Variants in HNRNPL observed in about 807,000 individuals in gnomAD.
HNRNPL encodes the protein heterogeneous nuclear ribonucleoprotein L.
A neutral mutation model predicts 64.0 loss-of-function variants in HNRNPL; 12 were observed. The observed-to-expected ratio is 0.19, with a 90% CI of 0.12 to 0.30. HNRNPL has a LOEUF of 0.30. HNRNPL is among the 10% of genes least tolerant of loss of function. The pLI is 1.00. For synonymous variants in HNRNPL, 385 were observed against 313.0 expected, an observed-to-expected ratio of 1.23 and a Z score of -2.43; for missense variants, 484 against 797.4, an observed-to-expected ratio of 0.61 and a Z score of 4.73.
At chr19:38,841,017 A>G (rs1972099577) in intron 6 of HNRNPL, 2 of 198,838 alleles carry the variant, frequency 1.0e-5, no homozygotes, top group Admixed American at 1.2e-4. Context: ...CCAAAGTTCT[A>G]GGAGCTCCAG....
chr19:38,845,628 C>T (rs367880461), intron 4 of HNRNPL, 22 bp downstream of exon 4: 1 of 1,590,694 alleles, frequency 6.3e-7, no homozygotes, highest in South Asian at 1.1e-5. Flanking sequence ...CTAAGGAACA[C>T]CTGTTTTCCA....
At chr19:38,840,459 G>T in intron 7 of HNRNPL, 29 bp downstream of exon 7, 1 of 1,572,244 alleles carries the variant, frequency 6.4e-7, no homozygotes, top group Non-Finnish European at 8.6e-7. Flanking sequence ...AGCCACGGGA[G>T]TCCACGGAGG....
chr19:38,839,998 G>A (rs969955395), intron 8 of HNRNPL, 98 bp downstream of exon 8: 23 of 1,193,172 alleles, frequency 1.9e-5, no homozygotes, highest in South Asian at 1.2e-4. Flanking sequence ...GCGTCTGCCC[G>A]CCCAGCGCCA....
At chr19:38,850,910 T>C (rs138613445), upstream of HNRNPL, among the ~76,000 whole-genome samples, 17 of 152,340 alleles carry the variant, frequency 1.1e-4, no homozygotes, top group Non-Finnish European at 1.9e-4. Context: ...TCTCCATGTG[T>C]GCCCATGCAG....
chr19:38,851,490 AGAAAT>A, upstream of HNRNPL, among the ~76,000 whole-genome samples: 1 of 152,362 alleles, frequency 6.6e-6, no homozygotes. Context: ...AGGGGGGAAA[AGAAAT>A]AAAAGCGAAG....
rs1305610493 is a variant in HNRNPL, at chr19:38,844,739, T to C, written c.711-635A>G. On this transcript the variant is annotated intron_variant, in intron 4 of 12. Transcript: ENST00000221419. ...TTTTTTTTTTTTTTTGGATATGGAGTCTCGCTGTGTTGCCCAGGATGGAAT... is the reference window on the plus strand; with the variant it reads ...TTTTTTTTTTTTTTTGGATATGGAGCCTCGCTGTGTTGCCCAGGATGGAAT... 3.4e-5 allele frequency: 5 copies of C among 146,280 alleles called. No homozygotes were observed. The Admixed American group carries it at 3.5e-4, about 10-fold the overall frequency. The allele number at this position is 146,280 out of a possible 1,614,324, so 9.1% of individuals were successfully genotyped here.
chr19:38,846,303 AC>A (rs1972293413), intron 2 of HNRNPL, among the ~76,000 whole-genome samples: 1 of 151,884 alleles, frequency 6.6e-6, no homozygotes, highest in African/African-American at 2.4e-5. Flanking sequence ...AGCCTTCCTG[AC>A]CTCTCCTCAC....
At chr19:38,839,325 T>C (rs1452458021) in intron 8 of HNRNPL, 2 of 342,892 alleles carry the variant, frequency 5.8e-6, no homozygotes, top group Non-Finnish European at 1.1e-5. Context: ...CACACAGACG[T>C]GTGTGATCTA....
chr19:38,841,631 T>C (rs1972121346), intron 6 of HNRNPL: 1 of 1,281,638 alleles, frequency 7.8e-7, no homozygotes, highest in Non-Finnish European at 1.0e-6. Context: ...GCTTCAACAG[T>C]GAGTTAGCAC....
In HNRNPL at chr19:38,840,244, TG is replaced by T; in HGVS notation, c.1084del (p.Gln362SerfsTer33). On this transcript the variant is annotated frameshift_variant, in exon 8 of 13. Coordinates refer to ENST00000221419, the MANE Select transcript of HNRNPL (RefSeq NM_001533.3). LOFTEE classifies it high-confidence loss of function. ...HRRGPSRYGP[Q>X]YGHPPPPPPP... ...GGGAGGGGGTGGGGGGTGCCCATAC[TG>T]GGGGCCGTAGCGACTTGGGCCCCGA... is the stretch of plus-strand genomic sequence containing the variant. 5.2e-6 allele frequency: 8 copies of T among 1,538,722 alleles called. No individual in the cohort carries two copies. The highest frequency in any genetic ancestry group is 7.1e-6 in the Non-Finnish European group (8 of 1,134,152).
intron 12 of HNRNPL, chr19:38,836,992 C>G (rs1971950411): frequency 5.4e-6 from 3 of 554,594 alleles, no homozygotes; most frequent in Non-Finnish European, 9.6e-6. Context: ...GAATCCCATT[C>G]CTATCTCCTT....
intron 10 of HNRNPL, 94 bp downstream of exon 10, chr19:38,838,303 T>C: frequency 9.7e-7 from 1 of 1,029,580 alleles, no homozygotes; most frequent in Non-Finnish European, 1.5e-6. Context: ...AGGACAGGAG[T>C]TCAACAGCTA....
intron 4 of HNRNPL, chr19:38,845,165 T>A (rs1972248758): frequency 6.5e-6 from 1 of 153,606 alleles, no homozygotes; most frequent in South Asian, 2.0e-4. Context: ...ACACCTGTAA[T>A]CTGGGAGGCT....
At chr19:38,851,823 G>A (rs1972510047), upstream of HNRNPL, among the ~76,000 whole-genome samples, 1 of 152,142 alleles carries the variant, frequency 6.6e-6, no homozygotes, top group South Asian at 2.1e-4. Flanking sequence ...GCCGGTGAGG[G>A]GAAATAAAGT....
At chr19:38,845,543 C>T (rs1269274858) in intron 4 of HNRNPL, 107 bp downstream of exon 4, 3 of 867,916 alleles carry the variant, frequency 3.5e-6, no homozygotes, top group Non-Finnish European at 5.8e-6. Flanking sequence ...TGGCACATGG[C>T]AGCCACTCCC....
rs769468438 is a variant in HNRNPL at position 38,845,877 on chromosome 19, C to G, written c.600G>C (p.Leu200=). The G allele has an allele frequency of 1.1e-5, 17 of 1,614,122 alleles. No individual in the cohort carries two copies. Among genetic ancestry groups the G allele is most frequent in the Non-Finnish European group, 1.3e-5 (15 of 1,179,956 alleles). The change falls in exon 3 of 13, where the codon CTG becomes CTC. Residue 200 remains leucine (L), a synonymous_variant. Transcript: ENST00000221419. ...CCGTGGTGATCGAATAAATGGGGTTCAGGATGGTAAAGAGAAGCACACTGT... is the reference window on the plus strand; with the variant it reads ...CCGTGGTGATCGAATAAATGGGGTTGAGGATGGTAAAGAGAAGCACACTGT... The part of the protein sequence containing the change: ...SVNSVLLFTI[L]NPIYSITTDV...
chr19:38,843,639 G>C, intron 6 of HNRNPL: 1 of 588,154 alleles, frequency 1.7e-6, no homozygotes, highest in Non-Finnish European at 3.0e-6. Context: ...AGCAGCATCG[G>C]AGGGCCCCAA....
In HNRNPL at chr19:38,843,569, C is replaced by T. The variant is rs572282961; in HGVS notation, c.880+273G>A. 1.1e-4 allele frequency: 52 copies of T among 481,326 alleles called. No individual in the cohort carries two copies. In the South Asian group the frequency reaches 1.4e-3, roughly 13 times the overall value. The allele number at this position is 481,326 out of a possible 1,614,324, so 29.8% of individuals were successfully genotyped here. On this transcript the variant is annotated intron_variant, in intron 6 of 12. Transcript: ENST00000221419. Reference sequence around the variant, plus strand: ...GGTTTCTAAGGCCGCCCCCACGCCTCATCCTCAGTGAGGCCCTGCTCCCCG... The same window carrying T: ...GGTTTCTAAGGCCGCCCCCACGCCTTATCCTCAGTGAGGCCCTGCTCCCCG...
chr19:38,840,586 T>C lies in HNRNPL; in HGVS notation c.881-27A>G, dbSNP rs749686243. The C allele has an allele frequency of 2.5e-5, 38 of 1,550,246 alleles. 2 individuals are homozygous for C. In the Admixed American group the frequency reaches 7.1e-4, roughly 29 times the overall value. On this transcript the variant is annotated intron_variant, in intron 6 of 12. Transcript: ENST00000221419. ...TGTGGAGAGAGAAAACAGTTAGGAG[T>C]CTCACTCAGAAATTGGGGTCTCTCC... is the stretch of plus-strand genomic sequence containing the variant.
Sources: gnomAD v4.1 joint callset for allele counts (sites outside exome capture counted in the v4.1 genomes callset) on GRCh38, gnomAD v4.1.1 for gene constraint, MANE v1.5 for transcripts, NCBI Gene and HGNC (gene_info 2026-07-23, HGNC 2026-07-21) for gene names.